Variants in ITGA8 observed in about 807,000 individuals in gnomAD.
ITGA8 encodes the protein integrin subunit alpha 8.
Under a neutral mutation model 142.3 loss-of-function variants are expected in ITGA8, and 91 were observed. The observed-to-expected ratio is 0.64, with a 90% CI of 0.54 to 0.76. The LOEUF (loss-of-function observed/expected upper bound fraction) is 0.76, where lower values mean the gene tolerates loss of function less well. Ranked by LOEUF, ITGA8 falls within the 30% of genes least tolerant of loss-of-function variation. The probability of loss-of-function intolerance (pLI) is 0.00; values close to 1 mark genes in which losing one functional copy is unlikely to be tolerated. For missense variants in ITGA8, 1,406 were observed against 1,327.7 expected, an observed-to-expected ratio of 1.06 and a Z score of -0.92; for synonymous variants, 505 against 485.2, an observed-to-expected ratio of 1.04 and a Z score of -0.54.
chr10:15,651,253 G>T (rs939843163), intron 11 of ITGA8, among the ~76,000 whole-genome samples: 1 of 152,002 alleles, frequency 6.6e-6, no homozygotes, highest in Non-Finnish European at 1.5e-5. Flanking sequence ...ATCTCCATTT[G>T]TTGTTAACAG....
intron 2 of ITGA8, among the ~76,000 whole-genome samples, chr10:15,711,282 T>C (rs1463944121): frequency 1.3e-5 from 2 of 152,202 alleles, no homozygotes; most frequent in Non-Finnish European, 2.9e-5. Context: ...GACCAATCGT[T>C]CAGCCTTACT....
chr10:15,561,836 T>A (rs1833988053), intron 25 of ITGA8, among the ~76,000 whole-genome samples: 1 of 152,052 alleles, frequency 6.6e-6, no homozygotes, highest in African/African-American at 2.4e-5. Flanking sequence ...ACTGGGTAAT[T>A]TATAAAGGAA....
chr10:15,687,130 C>T (rs1165669319), intron 3 of ITGA8, among the ~76,000 whole-genome samples: 1 of 152,074 alleles, frequency 6.6e-6, no homozygotes, highest in African/African-American at 2.4e-5. Flanking sequence ...CTCTTTATAC[C>T]TTACCTGTTT....
chr10:15,655,127 G>A (rs528421880), intron 11 of ITGA8, among the ~76,000 whole-genome samples: 1 of 152,158 alleles, frequency 6.6e-6, no homozygotes, highest in African/African-American at 2.4e-5. Context: ...AAATAAAATA[G>A]TCCTCCTCTA....
rs183796651 is a variant in ITGA8, at chr10:15,540,448, T to C, written c.2880+8007A>G. On this transcript the variant is annotated intron_variant, in intron 27 of 29. Transcript: ENST00000378076. Reference sequence around the variant, plus strand: ...ACATAGCCTCCAGTTCCATCCATGTTCTCTCCTCAGTTTGGAAGCCTTCTC... The same window carrying C: ...ACATAGCCTCCAGTTCCATCCATGTCCTCTCCTCAGTTTGGAAGCCTTCTC... Among the ~76,000 whole-genome samples the C allele has an allele frequency of 2.0e-5, 3 of 152,306 alleles. No homozygotes were observed. In the East Asian group the frequency reaches 5.8e-4, roughly 29 times the overall value.
At chr10:15,551,362 C>A (rs1348377511) in intron 26 of ITGA8, among the ~76,000 whole-genome samples, 1 of 151,092 alleles carries the variant, frequency 6.6e-6, no homozygotes, top group Non-Finnish European at 1.5e-5. Flanking sequence ...AGAGACCATC[C>A]AAATGGCAGA....
intron 28 of ITGA8, among the ~76,000 whole-genome samples, chr10:15,523,946 A>G (rs1330025563): frequency 2.6e-5 from 4 of 152,058 alleles, no homozygotes; most frequent in African/African-American, 9.7e-5. Context: ...AAAACAAAAC[A>G]AAAAAACAAA....
intron 10 of ITGA8, among the ~76,000 whole-genome samples, chr10:15,658,326 A>G (rs537558322): frequency 6.6e-6 from 1 of 152,218 alleles, no homozygotes; most frequent in Admixed American, 6.5e-5. Flanking sequence ...CAAAACCTTC[A>G]GGCCTTTATA....
intron 25 of ITGA8, among the ~76,000 whole-genome samples, chr10:15,569,287 G>A (rs74124269): frequency 0.12 from 18,926 of 152,122 alleles, 2,052 homozygotes; most frequent in East Asian, 0.31. Flanking sequence ...GGTGGCCTGG[G>A]ACATTTTGGG....
intron 13 of ITGA8, among the ~76,000 whole-genome samples, chr10:15,632,578 A>G (rs1833703005): frequency 6.6e-6 from 1 of 152,192 alleles, no homozygotes; most frequent in Admixed American, 6.5e-5. Context: ...TTTGTAAGTG[A>G]CTGGGCAGAA....
intron 27 of ITGA8, among the ~76,000 whole-genome samples, chr10:15,546,278 C>G (rs1161398580): frequency 6.6e-6 from 1 of 152,184 alleles, no homozygotes; most frequent in Non-Finnish European, 1.5e-5. Context: ...AGATAACAGC[C>G]CTGTGAAGGC....
intron 8 of ITGA8, 111 bp from the exon 9 acceptor site, chr10:15,661,033 T>C (rs1441217907): frequency 9.9e-7 from 1 of 1,010,560 alleles, no homozygotes; most frequent in Non-Finnish European, 1.5e-6. Context: ...TGAGTGGCTA[T>C]CATACAGAGC....
chr10:15,559,257 A>G (rs1833934816), intron 25 of ITGA8, among the ~76,000 whole-genome samples: 3 of 152,174 alleles, frequency 2.0e-5, no homozygotes, highest in African/African-American at 4.8e-5. Flanking sequence ...CAAGAACCCA[A>G]GGTCCTTCAC....
intron 27 of ITGA8, among the ~76,000 whole-genome samples, chr10:15,548,208 C>T (rs1348874515): frequency 6.6e-6 from 1 of 151,980 alleles, no homozygotes; most frequent in Non-Finnish European, 1.5e-5. Flanking sequence ...TCTCATGCCT[C>T]AGTCTCCCAA....
chr10:15,582,669 A>G (rs1301056540), intron 23 of ITGA8, among the ~76,000 whole-genome samples: 1 of 152,272 alleles, frequency 6.6e-6, no homozygotes, highest in East Asian at 1.9e-4. Flanking sequence ...GCAAATAAGC[A>G]CTGAAAAGAT....
rs59435924 is a variant in ITGA8 at position 15,586,049 on chromosome 10, A to ATTTTTTTTTT, written c.2372+525_2372+534dup. ...CACTGTCAATTTGGGGAATAAAGTG[A>ATTTTTTTTTT]TTTTTTTTTTTTTTTTTTTTTTTTT... On this transcript the variant is annotated intron_variant, in intron 23 of 29. Coordinates refer to ENST00000378076, the MANE Select transcript of ITGA8 (RefSeq NM_003638.3). 7.6e-4 allele frequency among the ~76,000 whole-genome samples: 58 copies of ATTTTTTTTTT among 76,814 alleles called. 2 individuals are homozygous for ATTTTTTTTTT. The highest frequency in any genetic ancestry group is 3.1e-3 in the African/African-American group (58 of 18,998). 50.4% of individuals were successfully genotyped at this position (76,814 alleles called of 152,430 possible). A position where few individuals can be genotyped will look rare whatever the true frequency, so the allele number is the denominator to read the frequency against.
chr10:15,671,798 A>C, intron 7 of ITGA8, 151 bp from the exon 8 acceptor site: 1 of 609,548 alleles, frequency 1.6e-6, no homozygotes. Flanking sequence ...TAAAGGGAAA[A>C]ATTAATCACA....
rs142740699 is a variant in ITGA8, at chr10:15,558,167, G to A, written c.2673C>T (p.Ser891=). The A allele has an allele frequency of 5.0e-5, 80 of 1,614,104 alleles. No individual in the cohort carries two copies. Among genetic ancestry groups the A allele is most frequent in the Non-Finnish European group, 6.0e-5 (71 of 1,180,046 alleles). The change falls in exon 26 of 30, where the codon AGC becomes AGT. Residue 891 remains serine, a synonymous_variant. Coordinates refer to ENST00000378076, the MANE Select transcript of ITGA8 (RefSeq NM_003638.3). ...AASPEDTPEL[S]AFLRNSTIPH... ...GAATAGTAGAGTTTCGCAAAAAGGCGCTGAGCTCAGGGGTGTCCTCTGGGG... is the reference window on the plus strand; with the variant it reads ...GAATAGTAGAGTTTCGCAAAAAGGCACTGAGCTCAGGGGTGTCCTCTGGGG...
At chr10:15,623,034 G>A (rs1724188022) in intron 13 of ITGA8, among the ~76,000 whole-genome samples, 1 of 152,142 alleles carries the variant, frequency 6.6e-6, no homozygotes, top group Non-Finnish European at 1.5e-5. Context: ...ATGGAAGGCA[G>A]TTTGTTGATA....
Sources: gnomAD v4.1 joint callset for allele counts (sites outside exome capture counted in the v4.1 genomes callset) on GRCh38, gnomAD v4.1.1 for gene constraint, MANE v1.5 for transcripts, NCBI Gene and HGNC (gene_info 2026-07-23, HGNC 2026-07-21) for gene names.